The following SEPTIN8 variants were observed in gnomAD, a reference collection of about 807,000 sequenced individuals.
The protein encoded by SEPTIN8 is septin 8.
In SEPTIN8, 22 loss-of-function variants were observed where a neutral mutation model predicts 53.1. That is an observed-to-expected ratio of 0.41 (90% CI 0.30 to 0.59). The LOEUF is 0.59. Among genes scored for constraint, SEPTIN8 ranks in the 20% least tolerant of loss-of-function variants. SEPTIN8 has a pLI of 0.24. For missense variants in SEPTIN8, 536 were observed against 638.7 expected (o/e 0.84, Z 1.73); for synonymous variants, 228 against 248.4 (o/e 0.92, Z 0.77).
At position 132,763,900 on chromosome 5, in the gene SEPTIN8, C is replaced by G. The variant is rs1242226324; in HGVS notation, c.348-8G>C. ...TCAACTATGGGCCTGTAACTACAGA[C>G]AGCTCCATCACCCAGGAGGCTGCCA... On this transcript the variant is annotated splice_polypyrimidine_tract_variant and splice_region_variant and intron_variant, in intron 3 of 9. Coordinates refer to ENST00000378719, the MANE Select transcript of SEPTIN8 (RefSeq NM_001098811.2). The G allele has an allele frequency of 1.9e-6, 3 of 1,551,780 alleles. No homozygotes were observed. The highest frequency in any genetic ancestry group is 2.7e-5 in the African/African-American group (2 of 73,044).
At position 132,776,378 on chromosome 5, in the gene SEPTIN8, A is replaced by C. The variant is rs1346075683; in HGVS notation, c.30+730T>G. Among the ~76,000 whole-genome samples the C allele has an allele frequency of 6.6e-6, 1 of 152,244 alleles. No homozygotes were observed. Among genetic ancestry groups the C allele is most frequent in the Non-Finnish European group, 1.5e-5 (1 of 68,042 alleles). ...TAGTAAGTTGGCTGTCGGCAGGCTCAGGCCCAGTGAGACCCCTGCAGGGAC... is the reference window on the plus strand; with the variant it reads ...TAGTAAGTTGGCTGTCGGCAGGCTCCGGCCCAGTGAGACCCCTGCAGGGAC... On this transcript the variant is annotated intron_variant, in intron 1 of 9. Coordinates refer to ENST00000378719, the MANE Select transcript of SEPTIN8 (RefSeq NM_001098811.2). The surrounding 1 kb of genome is among the most constrained non-coding windows in gnomAD (Gnocchi z 4.4).
rs1755935249 is a variant in SEPTIN8 at position 132,761,416 on chromosome 5, C to A, written c.962+42G>T. The A allele has an allele frequency of 1.3e-6, 2 of 1,592,200 alleles. No individual in the cohort carries two copies. The highest frequency in any genetic ancestry group is 8.5e-7 in the Non-Finnish European group (1 of 1,170,770). The stretch of plus-strand genomic sequence containing the variant: ...ACAGATGCCAGGGTGGTGTGTCTGG[C>A]CACAGCTGTGAAGACAGGCTCACTC... On this transcript the variant is annotated intron_variant, in intron 7 of 9. Coordinates refer to ENST00000378719, the MANE Select transcript of SEPTIN8 (RefSeq NM_001098811.2). This position sits in a 1 kb window ranked among gnomAD's most constrained non-coding sequence, Gnocchi z 5.8.
intron 9 of SEPTIN8, chr5:132,752,761 G>A: frequency 1.1e-6 from 1 of 892,636 alleles, no homozygotes; most frequent in South Asian, 1.6e-5. Flanking sequence ...TTGGGTGGTT[G>A]GACCTTCCTG....
intron 1 of SEPTIN8, among the ~76,000 whole-genome samples, chr5:132,768,857 G>A (rs1328352785): frequency 2.6e-5 from 4 of 152,168 alleles, no homozygotes; most frequent in African/African-American, 7.2e-5. Context: ...CTATCTCTGG[G>A]CTTTTCCCCT....
chr5:132,764,165 G>A lies in SEPTIN8; in HGVS notation c.347+59C>T, dbSNP rs1756320289. The A allele has an allele frequency of 8.5e-6, 13 of 1,535,756 alleles. 1 individual carries two copies. The Admixed American group carries it at 2.4e-4, about 28-fold the overall frequency. ...GTGTGAGGGCTGGGCTACTGTTATA[G>A]GGGCCAATGTAGGTGGGGTGGGAGG... On this transcript the variant is annotated intron_variant, in intron 3 of 9. Transcript: ENST00000378719.
intron 5 of SEPTIN8, 81 bp downstream of exon 5, chr5:132,762,403 A>G (rs1756073266): frequency 1.5e-6 from 2 of 1,378,518 alleles, no homozygotes; most frequent in Non-Finnish European, 2.0e-6. Flanking sequence ...GGGGAACAAG[A>G]GTCTCCTGGG....
intron 1 of SEPTIN8, among the ~76,000 whole-genome samples, chr5:132,770,006 T>TATATATATATATAC (rs1757043869): frequency 1.5e-5 from 1 of 67,716 alleles, no homozygotes; most frequent in African/African-American, 4.9e-5. Flanking sequence ...TATATATATA[T>TATATATATATATAC]ATATATATAT....
At chr5:132,767,697 C>CACCAGCTATTTAGTCTCTG (rs1756747043) in intron 1 of SEPTIN8, among the ~76,000 whole-genome samples, 1 of 152,050 alleles carries the variant, frequency 6.6e-6, no homozygotes, top group African/African-American at 2.4e-5. Context: ...TTACACAGGG[C>CACCAGCTATTTAGTCTCTG]TTCATTATTT....
upstream of SEPTIN8, chr5:132,777,471 T>C: frequency 1.0e-6 from 1 of 980,630 alleles, no homozygotes; most frequent in Non-Finnish European, 1.2e-6. The surrounding 1 kb of genome is among the most constrained non-coding windows in gnomAD (Gnocchi z 4.1). Flanking sequence ...GGGACGGCAG[T>C]GTCGGGGGGC....
chr5:132,777,370 C>T, upstream of SEPTIN8: 1 of 1,032,174 alleles, frequency 9.7e-7, no homozygotes, highest in South Asian at 4.6e-5. This position sits in a 1 kb window ranked among gnomAD's most constrained non-coding sequence, Gnocchi z 4.1. Flanking sequence ...GCCGGAGCCC[C>T]GCCGCTTGGA....
chr5:132,758,790 TCC>T, intron 9 of SEPTIN8: 1 of 1,614,052 alleles, frequency 6.2e-7, no homozygotes, highest in Non-Finnish European at 8.5e-7. Context: ...AAGTCTAAAG[TCC>T]ACTCTTGACA....
chr5:132,753,970 T>TTG (rs1290274130), intron 9 of SEPTIN8: 37 of 150,342 alleles, frequency 2.5e-4, no homozygotes, highest in African/African-American at 8.6e-4. Context: ...TTTTTTTTTT[T>TTG]TTTTTTTTTT....
At chr5:132,766,072 C>T (rs1488354985) in intron 1 of SEPTIN8, among the ~76,000 whole-genome samples, 3 of 152,218 alleles carry the variant, frequency 2.0e-5, no homozygotes, top group African/African-American at 7.2e-5. Context: ...CAGCTGGGCT[C>T]GTAGCCCTCC....
chr5:132,764,016 G>A (rs1756299063), intron 3 of SEPTIN8, 124 bp from the exon 4 acceptor site: 1 of 1,091,546 alleles, frequency 9.2e-7, no homozygotes, highest in Non-Finnish European at 1.3e-6. Flanking sequence ...AACAGCTTCT[G>A]CCTGAGATCC....
chr5:132,752,097 C>A lies in SEPTIN8; in HGVS notation c.1371G>T (p.Leu457Phe). ...VMMTKASVEP[L>F]NCSSWWPAIQ... ...TGGCGGGCCACCAGCTGCTGCAGTT[C>A]AAGGGCTCCACACTGGCCTTGGTCA... Residue 457 changes from leucine (L) to phenylalanine (F), a missense_variant, in exon 10 of 10, where the codon TTG (leucine) becomes TTT (phenylalanine). Leu to Phe is a conservative substitution (Grantham distance 22). This residue lies in a region of SEPTIN8 where 133 missense variants were observed against 157.4 expected (regional missense o/e 0.84). Coordinates refer to ENST00000378719, the MANE Select transcript of SEPTIN8 (RefSeq NM_001098811.2). The A allele has an allele frequency of 6.2e-7, 1 of 1,601,168 alleles. No homozygotes were observed.
intron 9 of SEPTIN8, chr5:132,758,289 C>T: frequency 7.4e-7 from 1 of 1,344,110 alleles, no homozygotes; most frequent in Non-Finnish European, 9.5e-7. Context: ...TATTATTTGT[C>T]TTGACGCTGG....
chr5:132,760,712 A>G lies in SEPTIN8; in HGVS notation c.1286+90T>C, dbSNP rs998445873. ...AGGAAAGGGGTAAGAGAGGGCGAGCAGGAGAGCGAGAAGGGAGGTGAGGGA... is the reference window on the plus strand; with the variant it reads ...AGGAAAGGGGTAAGAGAGGGCGAGCGGGAGAGCGAGAAGGGAGGTGAGGGA... On this transcript the variant is annotated intron_variant, in intron 9 of 9. Coordinates refer to ENST00000378719, the MANE Select transcript of SEPTIN8 (RefSeq NM_001098811.2). This position sits in a 1 kb window ranked among gnomAD's most constrained non-coding sequence, Gnocchi z 5.2. The G allele has an allele frequency of 8.2e-7, 1 of 1,226,040 alleles. No individual in the cohort carries two copies. Among genetic ancestry groups the G allele is most frequent in the South Asian group, 1.4e-5 (1 of 71,788 alleles). The allele number at this position is 1,226,040 out of a possible 1,614,324, so 75.9% of individuals were successfully genotyped here.
rs545461820 is a variant in SEPTIN8 at position 132,764,441 on chromosome 5, G to A, written c.152-22C>T. The A allele has an allele frequency of 1.9e-6, 3 of 1,591,438 alleles. No homozygotes were observed. In the South Asian group the frequency reaches 3.4e-5, roughly 18 times the overall value. ...TCCCCTGGGCAGTGAGGACAGGAGGGGAAGAAGTGGGTGTCATAGGCTGGA... is the reference window on the plus strand; with the variant it reads ...TCCCCTGGGCAGTGAGGACAGGAGGAGAAGAAGTGGGTGTCATAGGCTGGA... On this transcript the variant is annotated intron_variant, in intron 2 of 9. Coordinates refer to ENST00000378719, the MANE Select transcript of SEPTIN8 (RefSeq NM_001098811.2).
Position 132,761,959 on chromosome 5 carries a change from T to C in SEPTIN8, c.697-63A>G. 7.0e-7 allele frequency: 1 copy of C among 1,430,446 alleles called. No individual in the cohort carries two copies. Among genetic ancestry groups the C allele is most frequent in the South Asian group, 1.3e-5 (1 of 76,690 alleles). The allele number at this position is 1,430,446 out of a possible 1,614,324, so 88.6% of individuals were successfully genotyped here. On this transcript the variant is annotated intron_variant, in intron 5 of 9. Transcript: ENST00000378719. This position sits in a 1 kb window ranked among gnomAD's most constrained non-coding sequence, Gnocchi z 5.8. Reference sequence around the variant, plus strand: ...ACACAGACTAATGGCAGACTCTCCCTCCCTGCCCCTGGGTCCTAGGGAGGG... The same window carrying C: ...ACACAGACTAATGGCAGACTCTCCCCCCCTGCCCCTGGGTCCTAGGGAGGG...
Sources: allele counts gnomAD v4.1 joint callset (sites outside exome capture counted in the v4.1 genomes callset), GRCh38; gene constraint gnomAD v4.1.1; regional missense constraint gnomAD v4.1.1; non-coding constraint Gnocchi (gnomAD v3.1); transcripts MANE v1.5; gene names NCBI Gene and HGNC (gene_info 2026-07-23, HGNC 2026-07-21).